Variants in ERAP1 observed in about 807,000 individuals in gnomAD.
The protein encoded by ERAP1 is adipocyte-derived leucine aminopeptidase.
In ERAP1, 86 loss-of-function variants were observed where a neutral mutation model predicts 103.7. The observed-to-expected ratio is 0.83, with a 90% CI of 0.70 to 0.99. The LOEUF (loss-of-function observed/expected upper bound fraction) is 0.99, where lower values mean the gene tolerates loss of function less well. Among genes scored for constraint, ERAP1 ranks in the 50% least tolerant of loss-of-function variants. The pLI is 0.00. For missense variants in ERAP1, 1,009 were observed against 1,128.4 expected (o/e 0.89, Z 1.52); for synonymous variants, 398 against 402.4 (o/e 0.99, Z 0.13).
At chr5:96,924,850 G>A in the ERAP1 span, among the ~76,000 whole-genome samples, 19 of 152,210 alleles carry the variant, frequency 1.2e-4, no homozygotes, top group South Asian at 3.3e-3. Flanking sequence ...CACCCACCTC[G>A]GCCTCTCAAA....
At chr5:96,764,423 C>G (rs919646472) in intron 19 of ERAP1, among the ~76,000 whole-genome samples, 1 of 152,086 alleles carries the variant, frequency 6.6e-6, no homozygotes, top group Non-Finnish European at 1.5e-5. Context: ...ATATTGTTGT[C>G]CATAATTTTT....
At chr5:96,908,935 C>T in the ERAP1 span, 5 of 1,601,496 alleles carry the variant, frequency 3.1e-6, no homozygotes, top group Non-Finnish European at 4.3e-6. Flanking sequence ...TATGCACAAA[C>T]CACTGACATT....
At chr5:96,847,096 A>G in the ERAP1 span, among the ~76,000 whole-genome samples, 1 of 151,510 alleles carries the variant, frequency 6.6e-6, no homozygotes, top group African/African-American at 2.4e-5. Flanking sequence ...AAAAAAAAAA[A>G]AAATAGCTGG....
rs554410467 is a variant in ERAP1, at chr5:96,781,781, T to C, written c.2359A>G (p.Ser787Gly). 1.1e-5 allele frequency: 18 copies of C among 1,614,158 alleles called. No individual in the cohort carries two copies. The South Asian group carries it at 1.8e-4, about 16-fold the overall frequency. ...CTGGACAAAGAAAACTGATATTTAC[T>C]ATAAAGAAAATCCCAGCCTTCTGTG... is the stretch of plus-strand genomic sequence containing the variant. ...QSTEGWDFLYSKYQFSLSSTE... is the reference protein window; with the variant it reads ...QSTEGWDFLYGKYQFSLSSTE... Residue 787 changes from serine (S) to glycine (G), a missense_variant, in exon 16 of 19, where the codon AGT becomes GGT. Ser to Gly is a moderately conservative substitution (Grantham distance 56). Coordinates refer to ENST00000443439, the MANE Select transcript of ERAP1 (RefSeq NM_001040458.3).
At chr5:96,913,349 T>A in the ERAP1 span, 1 of 1,614,102 alleles carries the variant, frequency 6.2e-7, no homozygotes. Context: ...GGAAAGGTTA[T>A]CAAGACACAG....
upstream of ERAP1, among the ~76,000 whole-genome samples, chr5:96,809,925 A>G (rs933678332): frequency 1.3e-5 from 2 of 152,176 alleles, no homozygotes; most frequent in Admixed American, 1.3e-4. Context: ...TTAAATACAT[A>G]TTGAAAGTCC....
the ERAP1 span, chr5:96,889,584 T>C: frequency 3.0e-6 from 2 of 672,896 alleles, no homozygotes; most frequent in Non-Finnish European, 5.3e-6. Context: ...GGGCACACAC[T>C]GGAGGCTGGG....
the ERAP1 span, among the ~76,000 whole-genome samples, chr5:96,832,996 C>T: frequency 9.2e-5 from 14 of 152,176 alleles, no homozygotes; most frequent in Non-Finnish European, 1.6e-4. Context: ...TAATCCTGCT[C>T]TCTTTCTGCC....
intron 11 of ERAP1, among the ~76,000 whole-genome samples, chr5:96,787,453 A>G (rs1418071274): frequency 6.6e-6 from 1 of 152,012 alleles, no homozygotes; most frequent in East Asian, 1.9e-4. Flanking sequence ...TTTAGTAGAG[A>G]TGGTGTTTCA....
chr5:96,765,935 C>G, intron 19 of ERAP1: 2 of 629,778 alleles, frequency 3.2e-6, no homozygotes, highest in East Asian at 5.4e-5. Flanking sequence ...AAAATAAAAA[C>G]AGACCATATG....
the ERAP1 span, chr5:96,909,003 C>T: frequency 1.9e-6 from 3 of 1,614,164 alleles, no homozygotes; most frequent in Admixed American, 1.7e-5. Context: ...ACATGACTTA[C>T]TACCTCCAAC....
chr5:96,895,804 T>G, the ERAP1 span, among the ~76,000 whole-genome samples: 1 of 152,198 alleles, frequency 6.6e-6, no homozygotes, highest in Non-Finnish European at 1.5e-5. Flanking sequence ...CAGGTACGTC[T>G]TTTTTAAAAA....
At position 96,794,529 on chromosome 5, in the gene ERAP1, G is replaced by A. The variant is rs147256141; in HGVS notation, c.919+513C>T. Among the ~76,000 whole-genome samples, 204 of 152,148 alleles carry A rather than the reference G, an allele frequency of 1.3e-3. 3 individuals carry two copies. The highest frequency in any genetic ancestry group is 4.5e-3 in the African/African-American group (187 of 41,500). ...GACTCCATTTCTAACCTTCTGATGA[G>A]GAGTTTGGAAATTGAAAAACTAAAC... On this transcript the variant is annotated intron_variant, in intron 5 of 18. Coordinates refer to ENST00000443439, the MANE Select transcript of ERAP1 (RefSeq NM_001040458.3).
Position 96,775,492 on chromosome 5 carries a change from T to G in ERAP1, c.*904A>C. 2 of 984,888 alleles carry G rather than the reference T, an allele frequency of 2.0e-6. No homozygotes were observed. Among genetic ancestry groups the G allele is most frequent in the Non-Finnish European group, 2.4e-6 (2 of 829,788 alleles). 61.0% of individuals were successfully genotyped at this position (984,888 alleles called of 1,614,324 possible). ...TCCTACAGACTTGAATGCACTCTGC[T>G]TTTTCAGAAGAGATACTGTACCAGT... On this transcript the variant is annotated 3_prime_UTR_variant, in exon 19 of 19. Coordinates refer to ENST00000443439, the MANE Select transcript of ERAP1 (RefSeq NM_001040458.3).
downstream of ERAP1, chr5:96,770,037 A>G (rs1771683677): frequency 1.3e-5 from 2 of 154,148 alleles, no homozygotes; most frequent in South Asian, 2.0e-4. Context: ...GGGAGTGCAG[A>G]TATCTTTATA....
At chr5:96,819,796 A>G in the ERAP1 span, among the ~76,000 whole-genome samples, 2 of 152,200 alleles carry the variant, frequency 1.3e-5, no homozygotes, top group African/African-American at 4.8e-5. Context: ...TCAGCACAGT[A>G]TTCTAGTATT....
At chr5:96,847,247 CAAA>C in the ERAP1 span, among the ~76,000 whole-genome samples, 3 of 85,046 alleles carry the variant, frequency 3.5e-5, no homozygotes, top group Admixed American at 1.3e-4. Flanking sequence ...GACTCCATCT[CAAA>C]AAAAAAAAAA....
chr5:96,775,657 A>C lies in ERAP1; in HGVS notation c.*739T>G. On this transcript the variant is annotated 3_prime_UTR_variant, in exon 19 of 19. Coordinates refer to ENST00000443439, the MANE Select transcript of ERAP1 (RefSeq NM_001040458.3). The stretch of plus-strand genomic sequence containing the variant: ...AGCCAGACTCCCACTGAGGCCACTA[A>C]TCCTGAAGGGATGAGGAGGGAGCAG... The C allele has an allele frequency of 3.7e-6, 1 of 272,274 alleles. No individual in the cohort carries two copies. Among genetic ancestry groups the C allele is most frequent in the Non-Finnish European group, 5.6e-6 (1 of 178,182 alleles). 16.9% of individuals were successfully genotyped at this position (272,274 alleles called of 1,614,324 possible).
intron 19 of ERAP1, chr5:96,765,306 C>T: frequency 1.9e-6 from 2 of 1,049,148 alleles, no homozygotes; most frequent in Non-Finnish European, 2.6e-6. Context: ...GAGAACAAAC[C>T]AATGGAAGAT....
Sources: gnomAD v4.1 joint callset for allele counts (sites outside exome capture counted in the v4.1 genomes callset) on GRCh38, gnomAD v4.1.1 for gene constraint, MANE v1.5 for transcripts, NCBI Gene and HGNC (gene_info 2026-07-23, HGNC 2026-07-21) for gene names.